SHOC1: variants seen among roughly 807,000 people sequenced by gnomAD.
SHOC1 encodes shortage in chiasmata 1, also known as protein shortage in chiasmata 1 ortholog.
SHOC1 carries 136 observed loss-of-function variants against 179.2 expected under a neutral mutation model. The observed-to-expected ratio is 0.76, with a 90% CI of 0.66 to 0.87. The LOEUF is 0.87. Among genes scored for constraint, SHOC1 ranks in the 40% least tolerant of loss-of-function variants. The pLI is 0.00. For missense variants in SHOC1, 1,538 were observed against 1,700.8 expected, an observed-to-expected ratio of 0.90 and a Z score of 1.68; for synonymous variants, 489 against 586.6, an observed-to-expected ratio of 0.83 and a Z score of 2.41.
intron 12 of SHOC1, among the ~76,000 whole-genome samples, chr9:111,730,646 G>A (rs1232677617): frequency 6.6e-6 from 1 of 152,120 alleles, no homozygotes; most frequent in Non-Finnish European, 1.5e-5. Flanking sequence ...TATCATTCTG[G>A]CTTTGTTGTT....
chr9:111,743,028 A>C (rs543957487), intron 10 of SHOC1, among the ~76,000 whole-genome samples: 2 of 152,308 alleles, frequency 1.3e-5, no homozygotes, highest in African/African-American at 4.8e-5. Flanking sequence ...GCTTAATAAA[A>C]TCTTATGCCA....
At chr9:111,792,771 C>T (rs1009247948) in intron 1 of SHOC1, among the ~76,000 whole-genome samples, 9 of 152,158 alleles carry the variant, frequency 5.9e-5, no homozygotes, top group Admixed American at 5.9e-4. Context: ...AGTGTGGCCA[C>T]CCTCTTTCAC....
chr9:111,773,523 G>C (rs1006765889), intron 5 of SHOC1, among the ~76,000 whole-genome samples: 9 of 152,082 alleles, frequency 5.9e-5, no homozygotes, highest in Non-Finnish European at 1.2e-4. Context: ...CGTTGGCCAG[G>C]CTGGTTTCGA....
At chr9:111,751,649 C>T (rs1834594166) in intron 8 of SHOC1, among the ~76,000 whole-genome samples, 1 of 152,010 alleles carries the variant, frequency 6.6e-6, no homozygotes, top group Non-Finnish European at 1.5e-5. Context: ...TCTTGAGGAT[C>T]TTAGAGATCG....
At chr9:111,700,087 A>T in intron 23 of SHOC1, 40 bp from the exon 24 acceptor site, 1 of 991,380 alleles carries the variant, frequency 1.0e-6, no homozygotes, top group Non-Finnish European at 1.5e-6. Context: ...TTCATTTGAT[A>T]TCAGATTATA....
chr9:111,738,786 TTAG>T (rs1833916137), intron 11 of SHOC1, among the ~76,000 whole-genome samples: 1 of 152,210 alleles, frequency 6.6e-6, no homozygotes, highest in African/African-American at 2.4e-5. Context: ...ATTCTGATAT[TTAG>T]TAGAAGGAAA....
At position 111,781,009 on chromosome 9, in the gene SHOC1, C is replaced by G; in HGVS notation, c.178G>C (p.Val60Leu). The G allele has an allele frequency of 6.2e-7, 1 of 1,611,666 alleles. No homozygotes were observed. Among genetic ancestry groups the G allele is most frequent in the East Asian group, 2.2e-5 (1 of 44,754 alleles). ...FRRPWTRVSA[V>L]SVPGMTDTSV... ...GTATCTGTCATTCCCGGAACTGAAA[C>G]AGCTGAGACTAGAAAGGATAATAGT... The change falls in exon 4 of 28, where the codon GTT (valine) becomes CTT (leucine). Residue 60 changes from valine to leucine, a missense_variant. Coordinates refer to ENST00000682961, the MANE Select transcript of SHOC1 (RefSeq NM_001378211.1).
chr9:111,791,539 C>T, intron 1 of SHOC1, 85 bp from the exon 2 acceptor site: 1 of 494,598 alleles, frequency 2.0e-6, no homozygotes, highest in East Asian at 3.5e-5. Context: ...TTGGTTTACT[C>T]ATTTTTAAAA....
In SHOC1 at chr9:111,775,952, G is replaced by C. The variant is rs755966119; in HGVS notation, c.281C>G (p.Thr94Ser). ...LEKKTITRMV[T>S]QINCEFEEVV... ...TTCCTCAAATTCACAATTAATCTGG[G>C]TCACCATTCTTGTAATTGTTTTTCT... The change falls in exon 5 of 28, where the codon ACC (threonine) becomes AGC (serine). Residue 94 changes from threonine (T) to serine (S), a missense_variant. Thr to Ser is a moderately conservative substitution (Grantham distance 58). Coordinates refer to ENST00000682961, the MANE Select transcript of SHOC1 (RefSeq NM_001378211.1). 4 of 1,612,476 alleles carry C rather than the reference G, an allele frequency of 2.5e-6. No individual in the cohort carries two copies. The South Asian group carries it at 4.4e-5, about 18-fold the overall frequency.
At chr9:111,759,664 C>G in intron 5 of SHOC1, 1 of 697,174 alleles carries the variant, frequency 1.4e-6, no homozygotes, top group South Asian at 6.4e-5. Context: ...AAGCCAAGTT[C>G]CCAAAAAAGA....
At chr9:111,743,425 C>G (rs750898277) in intron 10 of SHOC1, among the ~76,000 whole-genome samples, 11 of 152,120 alleles carry the variant, frequency 7.2e-5, no homozygotes, top group Non-Finnish European at 1.5e-4. Flanking sequence ...AAATTTCATG[C>G]CATCCTACAC....
chr9:111,770,977 A>G (rs1245113166), intron 5 of SHOC1, among the ~76,000 whole-genome samples: 1 of 152,018 alleles, frequency 6.6e-6, no homozygotes, highest in Non-Finnish European at 1.5e-5. Flanking sequence ...CAGCCATTCT[A>G]AGCTTTTTAT....
chr9:111,747,128 T>C (rs1834325635), intron 9 of SHOC1, among the ~76,000 whole-genome samples: 1 of 152,190 alleles, frequency 6.6e-6, no homozygotes, highest in African/African-American at 2.4e-5. Context: ...AGCACAAAAT[T>C]ATATATCTAT....
chr9:111,761,397 G>A (rs547225029), intron 5 of SHOC1, among the ~76,000 whole-genome samples: 1 of 152,166 alleles, frequency 6.6e-6, no homozygotes, highest in Non-Finnish European at 1.5e-5. Context: ...AGCTACTCGG[G>A]AGGCTGAGGC....
intron 10 of SHOC1, among the ~76,000 whole-genome samples, chr9:111,742,982 A>G (rs1385510418): frequency 6.6e-6 from 1 of 152,240 alleles, no homozygotes; most frequent in Non-Finnish European, 1.5e-5. Flanking sequence ...TACATTGTTC[A>G]TAAAAATATA....
intron 2 of SHOC1, among the ~76,000 whole-genome samples, chr9:111,788,678 C>T (rs988632446): frequency 1.3e-5 from 2 of 152,112 alleles, no homozygotes; most frequent in African/African-American, 2.4e-5. Flanking sequence ...CTTTTTTTCA[C>T]TAAACAGTAT....
At chr9:111,706,784 T>C (rs773510009) in intron 19 of SHOC1, 38 bp from the exon 20 acceptor site, 2 of 1,428,574 alleles carry the variant, frequency 1.4e-6, no homozygotes, top group Non-Finnish European at 1.9e-6. Flanking sequence ...GGCATTATAC[T>C]TGTGTTATTA....
chr9:111,706,777 A>G, intron 19 of SHOC1, 31 bp from the exon 20 acceptor site: 2 of 1,469,630 alleles, frequency 1.4e-6, no homozygotes, highest in South Asian at 1.4e-5. Context: ...AGAAAATGGC[A>G]TTATACTTGT....
intron 5 of SHOC1, among the ~76,000 whole-genome samples, chr9:111,760,278 C>G (rs956587726): frequency 6.6e-6 from 1 of 152,160 alleles, no homozygotes; most frequent in African/African-American, 2.4e-5. Flanking sequence ...AACTAATATT[C>G]TTTGTAATTC....
Sources: allele counts gnomAD v4.1 joint callset (sites outside exome capture counted in the v4.1 genomes callset), GRCh38; gene constraint gnomAD v4.1.1; transcripts MANE v1.5; gene names NCBI Gene and HGNC (gene_info 2026-07-23, HGNC 2026-07-21).